The following STYX variants were observed in gnomAD, a reference collection of about 807,000 sequenced individuals.
STYX encodes the protein serine/threonine/tyrosine interacting protein.
A neutral mutation model predicts 42.7 loss-of-function variants in STYX; 20 were observed. The ratio of observed to expected loss-of-function variants is 0.47; its 90% CI spans 0.33 to 0.68. The LOEUF (loss-of-function observed/expected upper bound fraction) is 0.68. Among genes scored for constraint, STYX ranks in the 30% least tolerant of loss-of-function variants. STYX has a pLI of 0.02. For missense variants in STYX, 226 were observed against 268.5 expected (o/e 0.84, Z 1.11); for synonymous variants, 78 against 81.9 (o/e 0.95, Z 0.26).
chr14:52,755,121 G>T (rs202050405), intron 4 of STYX, among the ~76,000 whole-genome samples: 57 of 139,296 alleles, frequency 4.1e-4, no homozygotes, highest in African/African-American at 1.0e-3. Context: ...TTGTTTTTTT[G>T]TTTTTTTTTT....
At chr14:52,763,849 T>C (rs989669510) in intron 9 of STYX, among the ~76,000 whole-genome samples, 3 of 152,238 alleles carry the variant, frequency 2.0e-5, no homozygotes, top group Non-Finnish European at 4.4e-5. Context: ...AATCAGTGAA[T>C]TGAAATCTTT....
chr14:52,761,243 G>A (rs1213193792), intron 9 of STYX, among the ~76,000 whole-genome samples: 2 of 151,064 alleles, frequency 1.3e-5, no homozygotes, highest in African/African-American at 4.9e-5. Flanking sequence ...CAGGAGAATC[G>A]CTTGAACCTG....
At position 52,730,236 on chromosome 14, in the gene STYX, C is replaced by T; in HGVS notation, c.-239C>T. The T allele has an allele frequency of 8.8e-6, 5 of 568,818 alleles. No individual in the cohort carries two copies. Among genetic ancestry groups the T allele is most frequent in the Non-Finnish European group, 1.6e-5 (5 of 318,336 alleles). 35.2% of individuals were successfully genotyped at this position (568,818 alleles called of 1,614,324 possible). A position where few individuals can be genotyped will look rare whatever the true frequency, so the allele number is the denominator to read the frequency against. ...GTACGGAGACTCTGGGGGAGGGAGACGGCAGCGGCATGGCGGCCGGGTGTA... is the reference window on the plus strand; with the variant it reads ...GTACGGAGACTCTGGGGGAGGGAGATGGCAGCGGCATGGCGGCCGGGTGTA... On this transcript the variant is annotated 5_prime_UTR_variant, in exon 1 of 11. The change creates a new upstream start codon in the 5' untranslated region. Transcript: ENST00000354586.
chr14:52,760,858 G>A (rs530154719), intron 9 of STYX, among the ~76,000 whole-genome samples: 2 of 151,442 alleles, frequency 1.3e-5, no homozygotes, highest in East Asian at 1.9e-4. Flanking sequence ...TAGGTATTTC[G>A]ATACAGGCAT....
chr14:52,762,812 G>T (rs562486846), intron 9 of STYX, among the ~76,000 whole-genome samples: 2 of 145,254 alleles, frequency 1.4e-5, no homozygotes, highest in Admixed American at 6.9e-5. Flanking sequence ...CAATAGACCA[G>T]TTCTCAGACA....
chr14:52,759,759 C>T lies in STYX; in HGVS notation c.504+5C>T, dbSNP rs1358314826. ...GGATTTGTCCATCAACTTCAGGTAA[C>T]TTTTCTTCCTCTTTAAGGCAATCAG... On this transcript the variant is annotated splice_donor_5th_base_variant and intron_variant, in intron 9 of 10. Transcript: ENST00000354586. 2 of 1,592,186 alleles carry T rather than the reference C, an allele frequency of 1.3e-6. No homozygotes were observed. Among genetic ancestry groups the T allele is most frequent in the Non-Finnish European group, 1.7e-6 (2 of 1,162,098 alleles).
chr14:52,751,099 G>T (rs916124046), intron 4 of STYX, among the ~76,000 whole-genome samples: 1 of 152,006 alleles, frequency 6.6e-6, no homozygotes, highest in African/African-American at 2.4e-5. Context: ...AGTATCTAGG[G>T]GATAGGTTTA....
chr14:52,732,034 G>T (rs7148391), intron 1 of STYX, among the ~76,000 whole-genome samples: 2 of 146,754 alleles, frequency 1.4e-5, no homozygotes, highest in Non-Finnish European at 3.0e-5. Context: ...CTTGTCCTCC[G>T]AAAGTGTTGG....
chr14:52,732,662 G>T (rs1472173942), intron 1 of STYX, among the ~76,000 whole-genome samples: 3 of 152,036 alleles, frequency 2.0e-5, no homozygotes, highest in East Asian at 1.9e-4. Flanking sequence ...TGAAGAGTAT[G>T]CTTTTATTTA....
intron 9 of STYX, among the ~76,000 whole-genome samples, chr14:52,764,332 T>C (rs1882215133): frequency 6.6e-6 from 1 of 152,296 alleles, no homozygotes; most frequent in East Asian, 1.9e-4. Flanking sequence ...TCGTTTAATA[T>C]TGTGAATCCT....
chr14:52,748,430 A>G (rs1168245448), intron 3 of STYX, among the ~76,000 whole-genome samples: 1 of 152,206 alleles, frequency 6.6e-6, no homozygotes, highest in African/African-American at 2.4e-5. Flanking sequence ...GAGTCTGGCT[A>G]TGCTGGCCAC....
chr14:52,765,852 T>C (rs1882284308), intron 9 of STYX, among the ~76,000 whole-genome samples: 1 of 152,108 alleles, frequency 6.6e-6, no homozygotes, highest in African/African-American at 2.4e-5. Context: ...GGTGCTCAGA[T>C]GGTAATGCTC....
chr14:52,732,024 C>T (rs1407661473), intron 1 of STYX, among the ~76,000 whole-genome samples: 3 of 149,842 alleles, frequency 2.0e-5, no homozygotes, highest in Non-Finnish European at 4.4e-5. Context: ...ATCCTCCCGC[C>T]TTGTCCTCCG....
chr14:52,746,236 C>G (rs2139896234), intron 2 of STYX, among the ~76,000 whole-genome samples, 190 bp from the exon 3 acceptor site: 2 of 151,534 alleles, frequency 1.3e-5, no homozygotes, highest in South Asian at 4.2e-4. Context: ...CCTTATCAGC[C>G]TGGGCAACAT....
At chr14:52,770,229 C>G (rs1882458268) in intron 10 of STYX, among the ~76,000 whole-genome samples, 1 of 152,088 alleles carries the variant, frequency 6.6e-6, no homozygotes. Context: ...TGTATTGATA[C>G]TATATTTTTA....
At position 52,744,902 on chromosome 14, in the gene STYX, T is replaced by G; in HGVS notation, c.90+18T>G. On this transcript the variant is annotated intron_variant, in intron 2 of 10. Transcript: ENST00000354586. ...AGATGCAGGTATGGCAACCTTTTCT[T>G]TGTTCAAACCAACCCATGTTATTAT... 1 of 1,612,606 alleles carries G rather than the reference T, an allele frequency of 6.2e-7. No individual in the cohort carries two copies. Among genetic ancestry groups the G allele is most frequent in the African/African-American group, 1.3e-5 (1 of 74,950 alleles).
chr14:52,766,556 C>A (rs1351571953), intron 9 of STYX, among the ~76,000 whole-genome samples: 1 of 152,180 alleles, frequency 6.6e-6, no homozygotes, highest in African/African-American at 2.4e-5. Context: ...GATCCTCCCA[C>A]CTTGGCCTCA....
rs767379875 is a variant in STYX, at chr14:52,771,039, T to C, written c.605T>C (p.Leu202Ser). ...TTCATGCAATAACTTTTAGGCAGTTTGAAGAGAACACATGAAGAAGAGGAT... is the reference window on the plus strand; with the variant it reads ...TTCATGCAATAACTTTTAGGCAGTTCGAAGAGAACACATGAAGAAGAGGAT... ...LSVHSGTTGS[L>S]KRTHEEEDDF... The change falls in exon 11 of 11, where the codon TTG (leucine) becomes TCG (serine). Residue 202 changes from leucine (L) to serine (S), a missense_variant. Physicochemically the swap from Leu to Ser is moderately radical, Grantham distance 145 (BLOSUM62 -2). Transcript: ENST00000354586. 8.7e-6 allele frequency: 14 copies of C among 1,612,466 alleles called. No individual in the cohort carries two copies. The highest frequency in any genetic ancestry group is 1.2e-5 in the Non-Finnish European group (14 of 1,178,968).
At chr14:52,741,540 C>T (rs1881194242) in intron 1 of STYX, among the ~76,000 whole-genome samples, 1 of 152,102 alleles carries the variant, frequency 6.6e-6, no homozygotes, top group African/African-American at 2.4e-5. Context: ...CAGATTCAAG[C>T]AACTCTCCTG....
Sources: gnomAD v4.1 joint callset for allele counts (sites outside exome capture counted in the v4.1 genomes callset) on GRCh38, gnomAD v4.1.1 for gene constraint, MANE v1.5 for transcripts, NCBI Gene and HGNC (gene_info 2026-07-23, HGNC 2026-07-21) for gene names.